The following CD84 variants were observed in gnomAD, a reference collection of about 807,000 sequenced individuals.
CD84 encodes SLAM family member 5.
In CD84, 22 loss-of-function variants were observed where a neutral mutation model predicts 33.8. The observed-to-expected ratio is 0.65, with a 90% CI of 0.46 to 0.93. The LOEUF is 0.93. CD84 is among the 40% of genes least tolerant of loss of function. CD84 has a pLI of 0.00. For synonymous variants in CD84, 154 were observed against 145.2 expected (o/e 1.06, Z -0.44); for missense variants, 400 against 397.6 (o/e 1.01, Z -0.05).
chr1:160,549,830 C>A, intron 6 of CD84, 87 bp downstream of exon 6: 1 of 994,418 alleles, frequency 1.0e-6, no homozygotes, highest in South Asian at 1.3e-5. Context: ...CCAGGGGAAC[C>A]AGCTAGCCCC....
chr1:160,560,836 A>G (rs1299830675), intron 2 of CD84, among the ~76,000 whole-genome samples: 1 of 152,204 alleles, frequency 6.6e-6, no homozygotes, highest in Non-Finnish European at 1.5e-5. Context: ...CCAAAGCAAT[A>G]CAAACAACCA....
intron 1 of CD84, among the ~76,000 whole-genome samples, chr1:160,566,519 G>A (rs1329141620): frequency 6.6e-6 from 1 of 152,110 alleles, no homozygotes; most frequent in Non-Finnish European, 1.5e-5. Flanking sequence ...ATACTATGGT[G>A]GGTATTTGTT....
At chr1:160,564,228 A>T (rs1657176640) in intron 2 of CD84, among the ~76,000 whole-genome samples, 1 of 152,316 alleles carries the variant, frequency 6.6e-6, no homozygotes, top group East Asian at 1.9e-4. Flanking sequence ...AATTAAAACT[A>T]AATTGAGTTA....
intron 2 of CD84, among the ~76,000 whole-genome samples, chr1:160,562,976 A>C (rs544064802): frequency 6.6e-6 from 1 of 152,262 alleles, no homozygotes; most frequent in South Asian, 2.1e-4. Flanking sequence ...GCAGCCAACA[A>C]ACATGTGAAA....
intron 2 of CD84, among the ~76,000 whole-genome samples, chr1:160,556,802 C>T (rs1355769615): frequency 1.3e-5 from 2 of 152,056 alleles, no homozygotes; most frequent in African/African-American, 2.4e-5. Flanking sequence ...CCTAATTGCA[C>T]GTGGTAGAAG....
chr1:160,557,818 C>A (rs1284990968), intron 2 of CD84, among the ~76,000 whole-genome samples: 1 of 152,186 alleles, frequency 6.6e-6, no homozygotes, highest in Non-Finnish European at 1.5e-5. Context: ...TTCCAGCCTA[C>A]CAGCTTTGGA....
chr1:160,562,342 T>A (rs1467267386), intron 2 of CD84, among the ~76,000 whole-genome samples: 3 of 152,084 alleles, frequency 2.0e-5, no homozygotes. Flanking sequence ...AAGGCCAAGG[T>A]AACCAAAACA....
chr1:160,562,251 A>G (rs1272873705), intron 2 of CD84, among the ~76,000 whole-genome samples: 1 of 152,188 alleles, frequency 6.6e-6, no homozygotes, highest in Non-Finnish European at 1.5e-5. Context: ...TGGATGAAAA[A>G]GAGCCTGAAT....
rs1270391894 is a variant in CD84, at chr1:160,547,287, T to C, written c.*969A>G. ...CTTCTTGCAAGGTCTTCTATTTTGA[T>C]GGTTGGATTATACCCAGTTCCCCAG... On this transcript the variant is annotated 3_prime_UTR_variant, in exon 7 of 7. Transcript: ENST00000368054. The C allele has an allele frequency of 1.0e-5, 4 of 398,036 alleles. No homozygotes were observed. The highest frequency in any genetic ancestry group is 1.3e-3 in the Middle Eastern group (2 of 1,588). 24.7% of individuals were successfully genotyped at this position (398,036 alleles called of 1,614,324 possible).
chr1:160,565,772 C>T (rs761725878), intron 1 of CD84, 27 bp from the exon 2 acceptor site: 1 of 1,516,176 alleles, frequency 6.6e-7, no homozygotes, highest in Non-Finnish European at 8.8e-7. Context: ...AAAACTGTAG[C>T]CATCTGACTG....
At chr1:160,567,984 C>T (rs1413610956) in intron 1 of CD84, among the ~76,000 whole-genome samples, 1 of 152,066 alleles carries the variant, frequency 6.6e-6, no homozygotes, top group African/African-American at 2.4e-5. Context: ...ACAAGGGGCC[C>T]TCCATTTTCG....
intron 2 of CD84, among the ~76,000 whole-genome samples, chr1:160,562,239 T>C (rs1657018042): frequency 1.3e-5 from 2 of 152,134 alleles, no homozygotes; most frequent in South Asian, 4.1e-4. Context: ...TTAAAATTCA[T>C]ATGGATGAAA....
At chr1:160,566,283 T>C (rs538867886) in intron 1 of CD84, among the ~76,000 whole-genome samples, 1 of 152,286 alleles carries the variant, frequency 6.6e-6, no homozygotes, top group East Asian at 1.9e-4. Context: ...CCTAAGTTGG[T>C]GATTTTTAGG....
At chr1:160,571,278 G>C (rs558908492) in intron 1 of CD84, 9 of 152,054 alleles carry the variant, frequency 5.9e-5, no homozygotes, top group African/African-American at 2.2e-4. Context: ...CTGCGAGAGT[G>C]CTCACATTTA....
intron 1 of CD84, among the ~76,000 whole-genome samples, chr1:160,574,126 A>G (rs2102208398): frequency 1.7e-5 from 1 of 58,536 alleles, no homozygotes; most frequent in African/African-American, 3.9e-5. Context: ...AAAAAAAACA[A>G]AGCTTTTTTT....
rs747296649 is a variant in CD84 at position 160,579,374 on chromosome 1, G to C, written c.46+18C>G. 6.2e-6 allele frequency: 10 copies of C among 1,612,878 alleles called. No homozygotes were observed. In the South Asian group the frequency reaches 1.1e-4, roughly 18 times the overall value. On this transcript the variant is annotated intron_variant, in intron 1 of 6. Transcript: ENST00000368054. ...TTTATGGAAAACTAGGAGGCGATCA[G>C]CAAGGGTCAGAACTCACAGGTTTGC...
At chr1:160,558,472 C>A (rs2102157060) in intron 2 of CD84, among the ~76,000 whole-genome samples, 1 of 152,142 alleles carries the variant, frequency 6.6e-6, no homozygotes, top group South Asian at 2.1e-4. Flanking sequence ...TCAGAAAAAC[C>A]CCATTGGAAG....
intron 1 of CD84, among the ~76,000 whole-genome samples, chr1:160,569,200 A>G (rs1657527266): frequency 6.6e-6 from 1 of 152,198 alleles, no homozygotes; most frequent in South Asian, 2.1e-4. Flanking sequence ...AGCCATTTTT[A>G]AGGGCTAATT....
Position 160,543,968 on chromosome 1 carries a change from T to C in CD84, c.*4288A>G, listed in dbSNP as rs1655676676. The C allele has an allele frequency of 1.3e-5, 2 of 151,794 alleles. No homozygotes were observed. Among genetic ancestry groups the C allele is most frequent in the Admixed American group, 1.3e-4 (2 of 15,250 alleles). 9.4% of individuals were successfully genotyped at this position (151,794 alleles called of 1,614,324 possible). A position where few individuals can be genotyped will look rare whatever the true frequency, so the allele number is the denominator to read the frequency against. ...TAATCCCCACATCAACCTTAAAAGG[T>C]AGGCACTATTATTATCCCCATTTTA... is the stretch of plus-strand genomic sequence containing the variant. On this transcript the variant is annotated 3_prime_UTR_variant, in exon 7 of 7. Transcript: ENST00000368054.
Sources: gnomAD v4.1 joint callset for allele counts (sites outside exome capture counted in the v4.1 genomes callset) on GRCh38, gnomAD v4.1.1 for gene constraint, MANE v1.5 for transcripts, NCBI Gene and HGNC (gene_info 2026-07-23, HGNC 2026-07-21) for gene names.